Variants in SLC39A8 observed in about 807,000 individuals in gnomAD.
SLC39A8 encodes solute carrier family 39 member 8, also known as metal cation symporter ZIP8.
SLC39A8 carries 15 observed loss-of-function variants against 40.4 expected under a neutral mutation model. The observed-to-expected ratio is 0.37, with a 90% CI of 0.25 to 0.57. SLC39A8 has a LOEUF of 0.57. SLC39A8 is among the 20% of genes least tolerant of loss of function. SLC39A8 has a pLI of 0.75. For missense variants in SLC39A8, 472 were observed against 558.8 expected (o/e 0.84, Z 1.57); for synonymous variants, 223 against 221.6 (o/e 1.01, Z -0.06).
chr4:102,313,482 C>T lies in SLC39A8; in HGVS notation c.382+2186G>A, dbSNP rs557092107. 1.7e-4 allele frequency among the ~76,000 whole-genome samples: 26 copies of T among 152,154 alleles called. No individual in the cohort carries two copies. In the South Asian group the frequency reaches 4.4e-3, roughly 25 times the overall value. Reference sequence around the variant, plus strand: ...TGAAGTGTACATGCACAAAGGAATCCGGAAATGAAAACAGGCACTTTCTTT... The same window carrying T: ...TGAAGTGTACATGCACAAAGGAATCTGGAAATGAAAACAGGCACTTTCTTT... On this transcript the variant is annotated intron_variant, in intron 3 of 8. Transcript: ENST00000356736.
intron 2 of SLC39A8, among the ~76,000 whole-genome samples, chr4:102,328,604 T>C (rs752136069): frequency 1.3e-5 from 2 of 152,240 alleles, no homozygotes; most frequent in Non-Finnish European, 2.9e-5. Flanking sequence ...ATTCAACAAA[T>C]ATTTCTTGAA....
chr4:102,262,110 C>T lies in SLC39A8; in HGVS notation c.*934G>A, dbSNP rs544030285. 1 of 985,900 alleles carries T rather than the reference C, an allele frequency of 1.0e-6. No homozygotes were observed. Among genetic ancestry groups the T allele is most frequent in the East Asian group, 1.1e-4 (1 of 8,962 alleles). 61.1% of individuals were successfully genotyped at this position (985,900 alleles called of 1,614,324 possible). On this transcript the variant is annotated 3_prime_UTR_variant, in exon 9 of 9. Coordinates refer to ENST00000356736, the MANE Select transcript of SLC39A8 (RefSeq NM_001135146.2). The stretch of plus-strand genomic sequence containing the variant: ...TTCCAGTTAATCTGTCCTTGATGTA[C>T]AGCAGTCCAGCTGTTGTTTTGCATT...
rs961325824 is a variant in SLC39A8, at chr4:102,300,901, T to A, written c.840+3416A>T. ...TACTTATTTCTTAAATTTCATTTCT[T>A]TTGATTTTTTGTGCAATGTAAACAA... On this transcript the variant is annotated intron_variant, in intron 6 of 8. Transcript: ENST00000356736. Among the ~76,000 whole-genome samples the A allele has an allele frequency of 2.0e-5, 3 of 152,138 alleles. No homozygotes were observed. In the East Asian group the frequency reaches 5.8e-4, roughly 30 times the overall value.
At chr4:102,263,281 G>T in intron 8 of SLC39A8, 88 bp from the exon 9 acceptor site, 1 of 1,168,508 alleles carries the variant, frequency 8.6e-7, no homozygotes. Context: ...TGGAGACAGT[G>T]TGGGTTTGGT....
chr4:102,293,503 C>T (rs531903848), intron 6 of SLC39A8, among the ~76,000 whole-genome samples: 1 of 152,052 alleles, frequency 6.6e-6, no homozygotes, highest in East Asian at 1.9e-4. Flanking sequence ...CAAAACAATA[C>T]TGGGAGAATT....
At chr4:102,338,357 T>G (rs1214155653) in intron 2 of SLC39A8, among the ~76,000 whole-genome samples, 2 of 152,038 alleles carry the variant, frequency 1.3e-5, no homozygotes, top group Non-Finnish European at 2.9e-5. Flanking sequence ...CGGCTAATTT[T>G]TTGTATTTTT....
chr4:102,281,397 T>C (rs1007040733), intron 6 of SLC39A8, among the ~76,000 whole-genome samples: 3 of 152,268 alleles, frequency 2.0e-5, no homozygotes, highest in Middle Eastern at 3.4e-3. Flanking sequence ...GCCTGTCATG[T>C]CTTAACATTT....
In SLC39A8 at chr4:102,307,463, T is replaced by C. The variant is rs1734232359; in HGVS notation, c.525A>G (p.Ser175=). ...CTGGAATAAGTTGGAAAATTGCATT[T>C]GAAAAAAGAGTCCCAATAGCCAGCC... ...FVGLAIGTLF[S]NAIFQLIPEA... is the part of the protein sequence containing the mutation. Residue 175 remains serine, a synonymous_variant, in exon 4 of 9, where the codon TCA becomes TCG. Transcript: ENST00000356736. 1.2e-6 allele frequency: 2 copies of C among 1,613,020 alleles called. No individual in the cohort carries two copies. The highest frequency in any genetic ancestry group is 2.7e-5 in the African/African-American group (2 of 74,818).
At chr4:102,253,813 T>C (rs1731648065) in intron 11 of SLC39A8, among the ~76,000 whole-genome samples, 1 of 152,160 alleles carries the variant, frequency 6.6e-6, no homozygotes. Context: ...CATACATACA[T>C]ATATAACAAA....
At chr4:102,275,848 A>G (rs1289312684) in intron 6 of SLC39A8, among the ~76,000 whole-genome samples, 1 of 152,224 alleles carries the variant, frequency 6.6e-6, no homozygotes, top group East Asian at 1.9e-4. Flanking sequence ...AAACCACACA[A>G]CTACATGGAA....
intron 2 of SLC39A8, among the ~76,000 whole-genome samples, chr4:102,343,578 G>A (rs928586286): frequency 1.4e-4 from 21 of 152,176 alleles, no homozygotes; most frequent in African/African-American, 5.1e-4. Context: ...AAAAGACGGA[G>A]AGCAGTTTTG....
chr4:102,259,421 C>A, downstream of SLC39A8: 1 of 1,405,978 alleles, frequency 7.1e-7, no homozygotes, highest in Non-Finnish European at 9.8e-7. Context: ...AACATGCAAG[C>A]CCACCCATTA....
chr4:102,321,178 A>C (rs569344265), intron 2 of SLC39A8, among the ~76,000 whole-genome samples: 29 of 152,316 alleles, frequency 1.9e-4, no homozygotes, highest in African/African-American at 6.5e-4. Context: ...GGAAATTATA[A>C]ATTCACAAAA....
intron 2 of SLC39A8, among the ~76,000 whole-genome samples, chr4:102,320,409 A>AGT (rs1553916696): frequency 9.3e-6 from 1 of 107,640 alleles, no homozygotes; most frequent in Admixed American, 1.0e-4. Flanking sequence ...TATATATGAG[A>AGT]ATATATATAT....
chr4:102,313,022 C>G (rs1312478438), intron 3 of SLC39A8, among the ~76,000 whole-genome samples: 2 of 152,078 alleles, frequency 1.3e-5, no homozygotes, highest in Non-Finnish European at 2.9e-5. Context: ...TATACTCTAG[C>G]AAAAATATTT....
At chr4:102,324,294 C>T in intron 2 of SLC39A8, 1 of 309,470 alleles carries the variant, frequency 3.2e-6, no homozygotes, top group Non-Finnish European at 6.6e-6. Flanking sequence ...ACTCGGAAGG[C>T]TGAGGCAGGA....
chr4:102,344,618 G>A lies in SLC39A8; in HGVS notation c.45C>T (p.Ala15=). The A allele has an allele frequency of 1.3e-6, 2 of 1,539,882 alleles. No homozygotes were observed. Among genetic ancestry groups the A allele is most frequent in the Non-Finnish European group, 1.7e-6 (2 of 1,143,322 alleles). The part of the protein sequence containing the change: ...RAVAGLLLLA[A]AGLGGVAEGP... ...CCTCCGCCACTCCTCCGAGGCCGGC[G>A]GCCGCCAGCAACAGGAGCCCGGCCA... Residue 15 remains alanine (A), a synonymous_variant, in exon 2 of 9, where the codon GCC becomes GCT. Coordinates refer to ENST00000356736, the MANE Select transcript of SLC39A8 (RefSeq NM_001135146.2).
intron 8 of SLC39A8, among the ~76,000 whole-genome samples, chr4:102,266,901 C>T (rs1050534930): frequency 1.3e-5 from 2 of 152,148 alleles, no homozygotes; most frequent in East Asian, 1.9e-4. Flanking sequence ...CCACCGCACC[C>T]GGCCATGCAC....
chr4:102,295,180 T>TTA (rs1466417232), intron 6 of SLC39A8, among the ~76,000 whole-genome samples: 4 of 147,962 alleles, frequency 2.7e-5, no homozygotes, highest in African/African-American at 4.9e-5. Flanking sequence ...AATATATATA[T>TTA]TATATATATG....
Sources: gnomAD v4.1 joint callset for allele counts (sites outside exome capture counted in the v4.1 genomes callset) on GRCh38, gnomAD v4.1.1 for gene constraint, MANE v1.5 for transcripts, NCBI Gene and HGNC (gene_info 2026-07-23, HGNC 2026-07-21) for gene names.